Variants in GPR89B observed in about 807,000 individuals in gnomAD.
GPR89B encodes the protein G protein-coupled receptor 89B.
In GPR89B, 25 loss-of-function variants were observed where a neutral mutation model predicts 52.4. The observed-to-expected ratio is 0.48, with a 90% confidence interval of 0.35 to 0.67. The LOEUF is 0.67. Ranked by LOEUF, GPR89B falls within the 30% of genes least tolerant of loss-of-function variation. The pLI is 0.01. For missense variants in GPR89B, 146 were observed against 450.2 expected, an observed-to-expected ratio of 0.32 and a Z score of 6.11; for synonymous variants, 52 against 151.2, an observed-to-expected ratio of 0.34 and a Z score of 4.81.
intron 12 of GPR89B, among the ~76,000 whole-genome samples, chr1:147,991,181 T>A (rs1209461272): frequency 6.6e-6 from 1 of 151,568 alleles, no homozygotes; most frequent in East Asian, 1.9e-4. Flanking sequence ...GTAAATTGGA[T>A]TCCTAGGTAT....
chr1:148,017,016 G>C, the GPR89B span, among the ~76,000 whole-genome samples: 1 of 151,684 alleles, frequency 6.6e-6, no homozygotes, highest in Non-Finnish European at 1.5e-5. Flanking sequence ...TTGCTTGCTT[G>C]CTTGCTTGCT....
chr1:147,932,911 C>T (rs1243103534), intron 1 of GPR89B, among the ~76,000 whole-genome samples: 9 of 152,032 alleles, frequency 5.9e-5, no homozygotes, highest in Non-Finnish European at 1.3e-4. Flanking sequence ...TGAGTTCAAT[C>T]TTGATTCTGA....
At chr1:147,998,118 A>G (rs1659359746), downstream of GPR89B, among the ~76,000 whole-genome samples, 1 of 149,708 alleles carries the variant, frequency 6.7e-6, no homozygotes, top group Non-Finnish European at 1.5e-5. Context: ...AGTTGAGACA[A>G]TTAGAAGGGT....
At chr1:147,971,420 G>A (rs1423952701) in intron 10 of GPR89B, among the ~76,000 whole-genome samples, 3 of 149,342 alleles carry the variant, frequency 2.0e-5, no homozygotes, top group African/African-American at 7.5e-5. Flanking sequence ...CAAAGTGCTG[G>A]GACTACAGGC....
At chr1:147,997,328 G>T (rs1460148069), downstream of GPR89B, among the ~76,000 whole-genome samples, 101 of 152,316 alleles carry the variant, frequency 6.6e-4, 1 homozygote, top group African/African-American at 2.4e-3. Context: ...TTCCAGAGGG[G>T]ATTAGCATGC....
At chr1:147,944,523 A>G (rs2149045365) in intron 5 of GPR89B, among the ~76,000 whole-genome samples, 1 of 116,468 alleles carries the variant, frequency 8.6e-6, no homozygotes, top group East Asian at 2.4e-4. Context: ...AGATTTGGGT[A>G]GCAGATTTGG....
At chr1:147,948,968 G>C (rs1490018327) in intron 5 of GPR89B, among the ~76,000 whole-genome samples, 1 of 151,884 alleles carries the variant, frequency 6.6e-6, no homozygotes, top group Non-Finnish European at 1.5e-5. Context: ...GACTCTTAAC[G>C]AGCATGCTGC....
chr1:147,987,711 G>C lies in GPR89B; in HGVS notation c.1006-721G>C, dbSNP rs1263975115. 7.9e-5 allele frequency among the ~76,000 whole-genome samples: 12 copies of C among 152,174 alleles called. No homozygotes were observed. In the East Asian group the frequency reaches 2.1e-3, roughly 27 times the overall value. On this transcript the variant is annotated intron_variant, in intron 11 of 13. Transcript: ENST00000314163. ...GTAATTCTGAATAACAAATCATTTAGATGTTAGTAATAGCAGCTCCCTTTC... is the reference window on the plus strand; with the variant it reads ...GTAATTCTGAATAACAAATCATTTACATGTTAGTAATAGCAGCTCCCTTTC...
intron 5 of GPR89B, among the ~76,000 whole-genome samples, chr1:147,947,808 G>A (rs1553250066): frequency 1.3e-5 from 2 of 151,604 alleles, no homozygotes; most frequent in African/African-American, 4.8e-5. Flanking sequence ...CCTCATATGT[G>A]CCAAGCAGTA....
intron 3 of GPR89B, among the ~76,000 whole-genome samples, chr1:147,941,267 A>G (rs1553248858): frequency 6.6e-6 from 1 of 152,248 alleles, no homozygotes; most frequent in African/African-American, 2.4e-5. Flanking sequence ...GTTCACTTTT[A>G]ATAGGCAGTC....
the GPR89B span, among the ~76,000 whole-genome samples, chr1:148,018,723 A>G: frequency 6.6e-6 from 1 of 151,634 alleles, no homozygotes; most frequent in South Asian, 2.1e-4. Flanking sequence ...CTGGAGTGCA[A>G]TGGTGTGATC....
At chr1:148,019,980 C>T in the GPR89B span, among the ~76,000 whole-genome samples, 2 of 151,768 alleles carry the variant, frequency 1.3e-5, no homozygotes, top group Non-Finnish European at 2.9e-5. Flanking sequence ...AATTATCACC[C>T]TGGTCTCCTG....
the GPR89B span, among the ~76,000 whole-genome samples, chr1:148,001,843 A>G: frequency 2.0e-5 from 3 of 151,982 alleles, no homozygotes; most frequent in East Asian, 5.8e-4. Context: ...GTCAGTGGGC[A>G]TACTTGTAGC....
downstream of GPR89B, chr1:147,993,852 A>ATTGTT (rs1659246423): frequency 6.4e-6 from 1 of 155,504 alleles, no homozygotes; most frequent in Admixed American, 6.3e-5. Context: ...AGCATACTCA[A>ATTGTT]AAGGCATTTG....
In GPR89B at chr1:147,971,365, G is replaced by T. The variant is rs1358880909; in HGVS notation, c.909+1406G>T. Among the ~76,000 whole-genome samples the T allele has an allele frequency of 2.7e-5, 4 of 150,098 alleles. No individual in the cohort carries two copies. In the East Asian group the frequency reaches 7.9e-4, roughly 30 times the overall value. On this transcript the variant is annotated intron_variant, in intron 10 of 13. Coordinates refer to ENST00000314163, the MANE Select transcript of GPR89B (RefSeq NM_016334.5). ...GGGCTTTCACCATGTTGCCCAAGGT[G>T]GTTTCGAACTCCTGAGCTCAGGCAA... is the stretch of plus-strand genomic sequence containing the variant.
rs781947906 is a variant in GPR89B at position 147,932,078 on chromosome 1, A to AT, written c.42+3511dup. Among the ~76,000 whole-genome samples, 882 of 148,142 alleles carry AT rather than the reference A, an allele frequency of 6.0e-3. 7 individuals are homozygous for AT. Among genetic ancestry groups the AT allele is most frequent in the African/African-American group, 0.019 (774 of 40,464 alleles). The stretch of plus-strand genomic sequence containing the variant: ...CTTCCATTTCATAGCAATCTTGGTG[A>AT]TTTTTTTTTTTAATCATCCATTTCC... On this transcript the variant is annotated intron_variant, in intron 1 of 13. Coordinates refer to ENST00000314163, the MANE Select transcript of GPR89B (RefSeq NM_016334.5).
chr1:148,000,109 A>C, the GPR89B span, among the ~76,000 whole-genome samples: 3 of 152,022 alleles, frequency 2.0e-5, no homozygotes, highest in Admixed American at 1.3e-4. Flanking sequence ...GTATTCATAC[A>C]ATTTACTTTT....
At chr1:147,931,811 C>T (rs1653647709) in intron 1 of GPR89B, among the ~76,000 whole-genome samples, 1 of 151,700 alleles carries the variant, frequency 6.6e-6, no homozygotes, top group Non-Finnish European at 1.5e-5. Context: ...TATTTAGCTC[C>T]CACTTAGAAG....
At chr1:147,999,592 C>T in the GPR89B span, among the ~76,000 whole-genome samples, 3 of 143,494 alleles carry the variant, frequency 2.1e-5, no homozygotes, top group Non-Finnish European at 3.0e-5. Flanking sequence ...AGCAAGACAA[C>T]GTCTCAAAAA....
Sources: allele counts gnomAD v4.1 joint callset (sites outside exome capture counted in the v4.1 genomes callset), GRCh38; gene constraint gnomAD v4.1.1; transcripts MANE v1.5; gene names NCBI Gene and HGNC (gene_info 2026-07-23, HGNC 2026-07-21).